VPS53: variants seen among roughly 807,000 people sequenced by gnomAD.
VPS53 encodes the protein vacuolar protein sorting-associated protein 53 homolog.
In VPS53, 70 loss-of-function variants were observed where a neutral mutation model predicts 107.0. The observed-to-expected ratio is 0.65, with a 90% CI of 0.54 to 0.80. The LOEUF (loss-of-function observed/expected upper bound fraction) is 0.80, where lower values mean the gene tolerates loss of function less well. Among genes scored for constraint, VPS53 ranks in the 30% least tolerant of loss-of-function variants. The probability of loss-of-function intolerance (pLI) is 0.00; values close to 1 mark genes in which losing one functional copy is unlikely to be tolerated. For synonymous variants in VPS53, 409 were observed against 393.3 expected, an observed-to-expected ratio of 1.04 and a Z score of -0.47; for missense variants, 917 against 1,049.4, an observed-to-expected ratio of 0.87 and a Z score of 1.74.
rs1176408813 is a variant in VPS53, at chr17:513,795, T to C, written c.*5333A>G. 3 of 135,818 alleles carry C rather than the reference T, an allele frequency of 2.2e-5. No individual in the cohort carries two copies. The highest frequency in any genetic ancestry group is 8.3e-5 in the African/African-American group (3 of 36,130). 8.4% of individuals were successfully genotyped at this position (135,818 alleles called of 1,614,324 possible). A position where few individuals can be genotyped will look rare whatever the true frequency, so the allele number is the denominator to read the frequency against. ...ATTTCCAGCAGGTTATTCCGAGTGCTCTTCCTAGCGAAGGAATCCCATTTC... is the reference window on the plus strand; with the variant it reads ...ATTTCCAGCAGGTTATTCCGAGTGCCCTTCCTAGCGAAGGAATCCCATTTC... On this transcript the variant is annotated 3_prime_UTR_variant, in exon 22 of 22. Transcript: ENST00000437048.
At chr17:610,332 T>A (rs530083552) in intron 11 of VPS53, among the ~76,000 whole-genome samples, 1 of 152,156 alleles carries the variant, frequency 6.6e-6, no homozygotes, top group East Asian at 1.9e-4. Context: ...CTGTGACATA[T>A]GAAGCATATT....
In VPS53 at chr17:519,737, C is replaced by T. The variant is rs866599663; in HGVS notation, c.2328+89G>A. 3.1e-6 allele frequency: 3 copies of T among 981,656 alleles called. No homozygotes were observed. Among genetic ancestry groups the T allele is most frequent in the Non-Finnish European group, 4.7e-6 (3 of 642,874 alleles). The allele number at this position is 981,656 out of a possible 1,614,324, so 60.8% of individuals were successfully genotyped here. A position where few individuals can be genotyped will look rare whatever the true frequency, so the allele number is the denominator to read the frequency against. On this transcript the variant is annotated intron_variant, in intron 21 of 21. Coordinates refer to ENST00000437048, the MANE Select transcript of VPS53 (RefSeq NM_001128159.3). This position sits in a 1 kb window ranked among gnomAD's most constrained non-coding sequence, Gnocchi z 5.0. ...CCAGGCACATGCATTTTGAGAAAGC[C>T]CCCCCGGAACTTATATCCCAATTCC...
rs1395869132 is a variant in VPS53 at position 519,516 on chromosome 17, C to T, written c.2329-218G>A. Among the ~76,000 whole-genome samples the T allele has an allele frequency of 6.6e-6, 1 of 152,140 alleles. No individual in the cohort carries two copies. The highest frequency in any genetic ancestry group is 1.5e-5 in the Non-Finnish European group (1 of 68,010). On this transcript the variant is annotated intron_variant, in intron 21 of 21. Coordinates refer to ENST00000437048, the MANE Select transcript of VPS53 (RefSeq NM_001128159.3). The surrounding 1 kb of genome is among the most constrained non-coding windows in gnomAD (Gnocchi z 5.0). Reference sequence around the variant, plus strand: ...GAAAAGGTAAAGGAAGGGAAAGAAGCGGCTGACAGAGGAGAAAGGACAGGT... The same window carrying T: ...GAAAAGGTAAAGGAAGGGAAAGAAGTGGCTGACAGAGGAGAAAGGACAGGT...
At chr17:714,557 A>C in intron 1 of VPS53, 66 bp downstream of exon 1, 1 of 1,472,778 alleles carries the variant, frequency 6.8e-7, no homozygotes. Context: ...CGGCCTCCCC[A>C]GCGCCCGGAG....
At chr17:567,504 CTTT>C (rs56006720) in intron 13 of VPS53, among the ~76,000 whole-genome samples, 3 of 145,096 alleles carry the variant, frequency 2.1e-5, no homozygotes, top group Non-Finnish European at 1.5e-5. Context: ...GATCACATTT[CTTT>C]TTTTTTTTTT....
chr17:521,189 C>T (rs1216640583), intron 20 of VPS53, among the ~76,000 whole-genome samples: 1 of 152,200 alleles, frequency 6.6e-6, no homozygotes, highest in Non-Finnish European at 1.5e-5. Flanking sequence ...GATTCAGTTA[C>T]TACAACATCT....
chr17:674,878 C>G (rs1972094020), intron 4 of VPS53: 1 of 152,248 alleles, frequency 6.6e-6, no homozygotes, highest in Non-Finnish European at 1.5e-5. Context: ...CGGGCCATCT[C>G]TTCATCTGTA....
intron 4 of VPS53, among the ~76,000 whole-genome samples, chr17:687,235 G>C (rs1972617383): frequency 6.7e-6 from 1 of 149,732 alleles, no homozygotes; most frequent in Non-Finnish European, 1.5e-5. Context: ...GCAGTGAGCA[G>C]AGATCGTAAC....
intron 4 of VPS53, among the ~76,000 whole-genome samples, chr17:694,691 GTT>G (rs1322264601): frequency 6.6e-6 from 1 of 152,272 alleles, no homozygotes; most frequent in Admixed American, 6.5e-5. Context: ...ATGATAAAAT[GTT>G]TTTGTTTATT....
chr17:632,491 GTTAT>G (rs1172678851), intron 7 of VPS53, among the ~76,000 whole-genome samples: 1 of 152,044 alleles, frequency 6.6e-6, no homozygotes, highest in East Asian at 1.9e-4. Context: ...ATCACCCCAA[GTTAT>G]TTGTTACTTC....
chr17:700,225 A>G (rs990044368), intron 2 of VPS53, among the ~76,000 whole-genome samples: 1 of 152,212 alleles, frequency 6.6e-6, no homozygotes, highest in African/African-American at 2.4e-5. Flanking sequence ...TACGTATTGC[A>G]ATATGAAAAG....
chr17:546,587 C>A (rs965462598), intron 17 of VPS53, among the ~76,000 whole-genome samples: 2 of 152,092 alleles, frequency 1.3e-5, no homozygotes, highest in South Asian at 4.1e-4. Flanking sequence ...AGAGAATATA[C>A]AAATCGCCAG....
In VPS53 at chr17:516,052, C is replaced by G. The variant is rs1046270928; in HGVS notation, c.*3076G>C. 1 of 151,320 alleles carries G rather than the reference C, an allele frequency of 6.6e-6. No homozygotes were observed. Among genetic ancestry groups the G allele is most frequent in the Non-Finnish European group, 1.5e-5 (1 of 67,952 alleles). The allele number at this position is 151,320 out of a possible 1,614,324, so 9.4% of individuals were successfully genotyped here. ...CTCGTGACCTCATGTGATCCGCCCA[C>G]CTCGGCCTCCCAAAGTGCTGGGATT... On this transcript the variant is annotated 3_prime_UTR_variant, in exon 22 of 22. Coordinates refer to ENST00000437048, the MANE Select transcript of VPS53 (RefSeq NM_001128159.3).
chr17:537,481 T>G, intron 17 of VPS53: 2 of 251,480 alleles, frequency 8.0e-6, no homozygotes, highest in Non-Finnish European at 7.8e-6. Flanking sequence ...AAGGATCCTG[T>G]TCTCCTGCCG....
At chr17:665,261 C>T (rs1413930844) in intron 4 of VPS53, among the ~76,000 whole-genome samples, 1 of 152,076 alleles carries the variant, frequency 6.6e-6, no homozygotes, top group Non-Finnish European at 1.5e-5. Context: ...AGTGAGAAGG[C>T]CCTCGCCGCA....
chr17:685,804 A>G lies in VPS53; in HGVS notation c.285+11614T>C, dbSNP rs556980583. On this transcript the variant is annotated intron_variant, in intron 4 of 21. Transcript: ENST00000437048. ...CGCTTGAGGTAAGGAGTCCAAGACCAGCCAGAGCAATAAAGGAACACCCCA... is the reference window on the plus strand; with the variant it reads ...CGCTTGAGGTAAGGAGTCCAAGACCGGCCAGAGCAATAAAGGAACACCCCA... Among the ~76,000 whole-genome samples the G allele has an allele frequency of 7.2e-5, 11 of 152,230 alleles. No homozygotes were observed. In the East Asian group the frequency reaches 1.7e-3, roughly 24 times the overall value.
intron 18 of VPS53, among the ~76,000 whole-genome samples, chr17:534,480 A>T (rs1201234009): frequency 1.3e-5 from 2 of 152,204 alleles, no homozygotes; most frequent in Admixed American, 6.5e-5. Context: ...GTGGCTTGTG[A>T]TCAGGAAGGA....
At chr17:709,859 T>C (rs1465661826) in intron 2 of VPS53, among the ~76,000 whole-genome samples, 1 of 152,064 alleles carries the variant, frequency 6.6e-6, no homozygotes, top group Non-Finnish European at 1.5e-5. Flanking sequence ...AAAATCTGTA[T>C]CTTGAGGCCG....
chr17:677,723 T>A (rs560556962), intron 4 of VPS53, among the ~76,000 whole-genome samples: 34 of 152,212 alleles, frequency 2.2e-4, no homozygotes, highest in African/African-American at 7.7e-4. Context: ...ACTAATGCTG[T>A]TAAAATATAG....
Sources: allele counts gnomAD v4.1 joint callset (sites outside exome capture counted in the v4.1 genomes callset), GRCh38; gene constraint gnomAD v4.1.1; non-coding constraint Gnocchi (gnomAD v3.1); transcripts MANE v1.5; gene names NCBI Gene and HGNC (gene_info 2026-07-23, HGNC 2026-07-21).